ASIC2: variants seen among roughly 807,000 people sequenced by gnomAD.
The protein encoded by ASIC2 is acid-sensing ion channel 2.
Under a neutral mutation model 57.3 loss-of-function variants are expected in ASIC2, and 25 were observed. The ratio of observed to expected loss-of-function variants is 0.44; its 90% CI spans 0.32 to 0.61. The LOEUF (loss-of-function observed/expected upper bound fraction) is 0.61. ASIC2 is among the 20% of genes least tolerant of loss of function. The pLI, the probability that ASIC2 is intolerant of heterozygous loss-of-function variation, is 0.06. For synonymous variants in ASIC2, 319 were observed against 307.5 expected, an observed-to-expected ratio of 1.04 and a Z score of -0.39; for missense variants, 641 against 738.1, an observed-to-expected ratio of 0.87 and a Z score of 1.52.
At chr17:33,945,106 C>T (rs1239408282) in intron 1 of ASIC2, among the ~76,000 whole-genome samples, 2 of 152,162 alleles carry the variant, frequency 1.3e-5, no homozygotes, top group Admixed American at 1.3e-4. Context: ...GAGGCTGATG[C>T]CAGGGGCAGC....
At chr17:33,730,341 T>C (rs548230984) in intron 1 of ASIC2, among the ~76,000 whole-genome samples, 5 of 152,298 alleles carry the variant, frequency 3.3e-5, no homozygotes, top group African/African-American at 1.2e-4. Flanking sequence ...ATTCCTGGGA[T>C]GACAGTGAGG....
chr17:33,190,135 A>G (rs1906355741), intron 1 of ASIC2, among the ~76,000 whole-genome samples: 1 of 152,232 alleles, frequency 6.6e-6, no homozygotes, highest in African/African-American at 2.4e-5. Context: ...TACATAAAAA[A>G]TCCTAAAGAA....
intron 1 of ASIC2, among the ~76,000 whole-genome samples, chr17:33,714,980 G>T (rs1263026686): frequency 3.8e-5 from 4 of 104,758 alleles, no homozygotes; most frequent in African/African-American, 9.2e-5. Context: ...ACCATGCCAG[G>T]CTAATTTATT....
intron 1 of ASIC2, among the ~76,000 whole-genome samples, chr17:33,480,696 GCATCTGATTCATT>G (rs1913375579): frequency 6.6e-6 from 1 of 152,026 alleles, no homozygotes; most frequent in African/African-American, 2.4e-5. Flanking sequence ...GAGAGTTTAG[GCATCTGATTCATT>G]CTGGCTCCTT....
intron 1 of ASIC2, among the ~76,000 whole-genome samples, chr17:33,343,732 T>C (rs972557954): frequency 1.3e-5 from 2 of 152,196 alleles, no homozygotes; most frequent in African/African-American, 2.4e-5. Context: ...TCACTTCCAC[T>C]CCATGGCCCC....
At chr17:33,089,086 C>A in intron 2 of ASIC2, 96 bp from the exon 3 acceptor site, 1 of 1,506,588 alleles carries the variant, frequency 6.6e-7, no homozygotes, top group East Asian at 2.3e-5. Context: ...TGAAAAGACC[C>A]TGTGATAAGC....
chr17:33,708,141 T>G (rs1436137000), intron 1 of ASIC2, among the ~76,000 whole-genome samples: 4 of 152,188 alleles, frequency 2.6e-5, no homozygotes, highest in Non-Finnish European at 5.9e-5. Context: ...GTCTAATTAT[T>G]TCTTTTATGG....
At chr17:33,491,330 AG>A in intron 1 of ASIC2, among the ~76,000 whole-genome samples, 1 of 152,252 alleles carries the variant, frequency 6.6e-6, no homozygotes, top group Middle Eastern at 3.4e-3. Flanking sequence ...CCCAGGCCCA[AG>A]GGCTACTTGT....
intron 1 of ASIC2, among the ~76,000 whole-genome samples, chr17:34,143,752 T>G (rs1316338061): frequency 1.3e-5 from 2 of 152,204 alleles, no homozygotes; most frequent in East Asian, 1.9e-4. Flanking sequence ...TAGGATCTTA[T>G]AGTCATGATG....
chr17:33,255,026 A>ATT (rs1909011228), intron 1 of ASIC2, among the ~76,000 whole-genome samples: 5 of 124,226 alleles, frequency 4.0e-5, no homozygotes, highest in Admixed American at 8.4e-5. Flanking sequence ...TTAGAAAGAA[A>ATT]TCTTTTTTTT....
chr17:33,154,991 T>A (rs114062319), intron 1 of ASIC2, among the ~76,000 whole-genome samples: 1,957 of 152,344 alleles, frequency 0.013, 36 homozygotes, highest in African/African-American at 0.045. Context: ...GTCTCTGGGC[T>A]GTCTTTCACC....
At chr17:33,962,588 A>G (rs1018385392) in intron 1 of ASIC2, among the ~76,000 whole-genome samples, 5 of 152,132 alleles carry the variant, frequency 3.3e-5, no homozygotes, top group African/African-American at 1.2e-4. Context: ...GTCAGGAATG[A>G]AGTGCTCATG....
intron 1 of ASIC2, among the ~76,000 whole-genome samples, chr17:33,727,908 A>G (rs1039834187): frequency 1.3e-5 from 2 of 152,150 alleles, no homozygotes; most frequent in African/African-American, 4.8e-5. Flanking sequence ...CATATTGTCT[A>G]TCCACCAACA....
intron 1 of ASIC2, among the ~76,000 whole-genome samples, chr17:33,499,685 C>T (rs1914043788): frequency 6.6e-6 from 1 of 152,212 alleles, no homozygotes; most frequent in Non-Finnish European, 1.5e-5. Flanking sequence ...CTGACTGGTT[C>T]TGTGTTGGGC....
intron 1 of ASIC2, among the ~76,000 whole-genome samples, chr17:33,153,085 T>C (rs2050023275): frequency 6.6e-6 from 1 of 152,188 alleles, no homozygotes; most frequent in Non-Finnish European, 1.5e-5. Flanking sequence ...TAAAGCTCTT[T>C]ATTATGCGTA....
intron 1 of ASIC2, among the ~76,000 whole-genome samples, chr17:33,938,651 A>C (rs992841337): frequency 6.6e-6 from 1 of 151,558 alleles, no homozygotes; most frequent in Non-Finnish European, 1.5e-5. Context: ...CAATTAGCAT[A>C]GGGTGGAAGT....
At chr17:33,579,166 A>G (rs890697419) in intron 1 of ASIC2, among the ~76,000 whole-genome samples, 2 of 151,750 alleles carry the variant, frequency 1.3e-5, no homozygotes, top group Non-Finnish European at 2.9e-5. Flanking sequence ...GGCGCCTGTA[A>G]TCCCAGCTAC....
chr17:33,443,476 G>C (rs574850726), intron 1 of ASIC2, among the ~76,000 whole-genome samples: 1 of 140,798 alleles, frequency 7.1e-6, no homozygotes, highest in Admixed American at 7.3e-5. Flanking sequence ...TGCAGTGGCG[G>C]GATCTCGGCT....
chr17:34,060,448 C>T (rs1014708380), intron 1 of ASIC2, among the ~76,000 whole-genome samples: 1 of 152,138 alleles, frequency 6.6e-6, no homozygotes, highest in Non-Finnish European at 1.5e-5. Context: ...TTCAACACCT[C>T]CCAAAAAATC....
Sources: allele counts gnomAD v4.1 joint callset (sites outside exome capture counted in the v4.1 genomes callset), GRCh38; gene constraint gnomAD v4.1.1; transcripts MANE v1.5; gene names NCBI Gene and HGNC (gene_info 2026-07-23, HGNC 2026-07-21).